Variants in ASIC5 observed in about 807,000 individuals in gnomAD.
ASIC5 encodes acid sensing ion channel subunit family member 5.
A neutral mutation model predicts 51.2 loss-of-function variants in ASIC5; 52 were observed. The observed-to-expected ratio is 1.02, with a 90% CI of 0.81 to 1.28. The LOEUF (loss-of-function observed/expected upper bound fraction) is 1.28. Ranked by LOEUF, ASIC5 falls within the 50% of genes most tolerant of loss-of-function variation. ASIC5 has a pLI of 0.00. For synonymous variants in ASIC5, 231 were observed against 200.7 expected, an observed-to-expected ratio of 1.15 and a Z score of -1.28; for missense variants, 635 against 595.0, an observed-to-expected ratio of 1.07 and a Z score of -0.70.
Position 155,854,282 on chromosome 4 carries a change from A to C in ASIC5, c.380T>G (p.Val127Gly), listed in dbSNP as rs764664561. 3.7e-6 allele frequency: 6 copies of C among 1,612,924 alleles called. No homozygotes were observed. The highest frequency in any genetic ancestry group is 5.1e-6 in the Non-Finnish European group (6 of 1,179,280). The change falls in exon 3 of 10, where the codon GTT becomes GGT. Residue 127 changes from valine (V) to glycine (G), a missense_variant. Val to Gly is a moderately radical substitution (Grantham distance 109). Transcript: ENST00000537611. ...FQTDAVAKFG[V>G]IFFLWHIVSK... ...TACAATGTGCCATAAGAAAAAAATAACACCAAATTTGGCTACAGCATCTGT... is the reference window on the plus strand; with the variant it reads ...TACAATGTGCCATAAGAAAAAAATACCACCAAATTTGGCTACAGCATCTGT...
intron 3 of ASIC5, among the ~76,000 whole-genome samples, chr4:155,853,869 C>T (rs1741452691): frequency 6.6e-6 from 1 of 151,882 alleles, no homozygotes; most frequent in South Asian, 2.1e-4. Flanking sequence ...TCTTTTCTAT[C>T]TTTCCTTATC....
chr4:155,840,952 G>A (rs996617810), intron 6 of ASIC5, among the ~76,000 whole-genome samples: 4 of 151,404 alleles, frequency 2.6e-5, no homozygotes, highest in South Asian at 2.1e-4. Context: ...TTGACTCAGC[G>A]CAAAAAGACA....
At chr4:155,857,365 C>T (rs2110750984) in intron 2 of ASIC5, among the ~76,000 whole-genome samples, 1 of 152,174 alleles carries the variant, frequency 6.6e-6, no homozygotes, top group East Asian at 1.9e-4. Flanking sequence ...CTCAAGCAAT[C>T]TGCCTACCTT....
intron 8 of ASIC5, 105 bp downstream of exon 8, chr4:155,836,584 T>G (rs930185969): frequency 1.5e-6 from 1 of 683,068 alleles, no homozygotes; most frequent in African/African-American, 1.8e-5. Context: ...AGCCATTGCC[T>G]CCCTTGATTG....
intron 2 of ASIC5, among the ~76,000 whole-genome samples, chr4:155,861,641 T>C (rs919425883): frequency 1.3e-5 from 2 of 152,086 alleles, no homozygotes; most frequent in African/African-American, 4.8e-5. Context: ...TGCCTTTCAA[T>C]TGGATTGTCT....
Position 155,836,738 on chromosome 4 carries a change from C to T in ASIC5, c.1186G>A (p.Ala396Thr), listed in dbSNP as rs773125346. The T allele has an allele frequency of 1.1e-5, 18 of 1,611,524 alleles. No homozygotes were observed. In the Admixed American group the frequency reaches 2.0e-4, roughly 18 times the overall value. Residue 396 changes from alanine (A) to threonine (T), a missense_variant, in exon 8 of 10, where the codon GCT (alanine) becomes ACT (threonine). By Grantham distance (58) the Ala-to-Thr change is moderately conservative. Transcript: ENST00000537611. ...ISYSSFPSQK[A>T]LKYLSKKLNQ... ...AACTTCTTGGAAAGATATTTCAAAG[C>T]TTTTTGACTTGGAAAAGAGGAATAA...
At chr4:155,862,777 T>G (rs1741746270) in intron 2 of ASIC5, among the ~76,000 whole-genome samples, 1 of 152,144 alleles carries the variant, frequency 6.6e-6, no homozygotes, top group Non-Finnish European at 1.5e-5. Context: ...ATTAAGTAGC[T>G]CATCATATGT....
chr4:155,854,072 G>A lies in ASIC5; in HGVS notation c.585+5C>T, dbSNP rs753282418. Reference sequence around the variant, plus strand: ...GATTATATTTGAAGAATAGAAAATCGTTACCTTTGGGCTACATGGCTTTCC... The same window carrying A: ...GATTATATTTGAAGAATAGAAAATCATTACCTTTGGGCTACATGGCTTTCC... On this transcript the variant is annotated splice_donor_5th_base_variant and intron_variant, in intron 3 of 9. Coordinates refer to ENST00000537611, the MANE Select transcript of ASIC5 (RefSeq NM_017419.3). 1.0e-5 allele frequency: 16 copies of A among 1,589,952 alleles called. No homozygotes were observed. The highest frequency in any genetic ancestry group is 4.5e-5 in the South Asian group (4 of 89,848).
intron 4 of ASIC5, among the ~76,000 whole-genome samples, chr4:155,849,366 A>G (rs1219920469): frequency 2.0e-5 from 3 of 152,050 alleles, no homozygotes; most frequent in Non-Finnish European, 4.4e-5. Flanking sequence ...AAAAAGTCTT[A>G]TCTGACATTC....
In ASIC5 at chr4:155,866,128, A is replaced by T. The variant is rs113904772; in HGVS notation, c.40+59T>A. ...GAAGAAAAAAAATCTCTCTTTTCTT[A>T]CTTCTGGCCTCTAGAAATGAAAAAT... is the stretch of plus-strand genomic sequence containing the variant. On this transcript the variant is annotated intron_variant, in intron 1 of 9. Transcript: ENST00000537611. The T allele has an allele frequency of 5.6e-4, 596 of 1,066,702 alleles. 1 individual carries two copies. The highest frequency in any genetic ancestry group is 7.8e-4 in the Non-Finnish European group (568 of 728,264). The allele number at this position is 1,066,702 out of a possible 1,614,324, so 66.1% of individuals were successfully genotyped here.
rs74322795 is a variant in ASIC5 at position 155,850,736 on chromosome 4, T to C, written c.711+1455A>G. Among the ~76,000 whole-genome samples the C allele has an allele frequency of 9.4e-3, 1,425 of 152,154 alleles. 14 individuals are homozygous for C. Among genetic ancestry groups the C allele is most frequent in the Middle Eastern group, 0.037 (11 of 294 alleles). ...TTAGAAAATCATTTGGCCCTCTTCATTTTGCAATTAAAATCCCTGCCCTTA... is the reference window on the plus strand; with the variant it reads ...TTAGAAAATCATTTGGCCCTCTTCACTTTGCAATTAAAATCCCTGCCCTTA... On this transcript the variant is annotated intron_variant, in intron 4 of 9. Coordinates refer to ENST00000537611, the MANE Select transcript of ASIC5 (RefSeq NM_017419.3).
intron 2 of ASIC5, among the ~76,000 whole-genome samples, chr4:155,856,490 T>C (rs1741543710): frequency 6.6e-6 from 1 of 152,106 alleles, no homozygotes; most frequent in Non-Finnish European, 1.5e-5. Context: ...TAACTAGCTC[T>C]GATACTTGCA....
At chr4:155,864,117 T>C (rs1293280137) in intron 1 of ASIC5, among the ~76,000 whole-genome samples, 1 of 152,206 alleles carries the variant, frequency 6.6e-6, no homozygotes, top group Non-Finnish European at 1.5e-5. Context: ...TCTCTGAAAG[T>C]CCTTTAGAAG....
chr4:155,846,420 A>G (rs559688296), intron 4 of ASIC5, among the ~76,000 whole-genome samples: 1 of 152,206 alleles, frequency 6.6e-6, no homozygotes, highest in Admixed American at 6.6e-5. Context: ...TGCATCTTAA[A>G]TTTTCAAAAT....
At chr4:155,850,920 CA>C (rs1230751943) in intron 4 of ASIC5, among the ~76,000 whole-genome samples, 1 of 151,946 alleles carries the variant, frequency 6.6e-6, no homozygotes, top group Non-Finnish European at 1.5e-5. Context: ...GAAGAAGGCA[CA>C]GTCTTAAGAA....
chr4:155,845,670 C>T (rs1606603), intron 4 of ASIC5, among the ~76,000 whole-genome samples: 113,745 of 151,928 alleles, frequency 0.75, 44,886 homozygotes, highest in Non-Finnish European at 0.87. Context: ...ATAGGTAGTC[C>T]CTATCTAAAT....
At chr4:155,834,950 G>A (rs888264916) in intron 8 of ASIC5, among the ~76,000 whole-genome samples, 3 of 152,012 alleles carry the variant, frequency 2.0e-5, no homozygotes, top group African/African-American at 7.2e-5. Flanking sequence ...CTGACTCCAC[G>A]CAAAGATCAC....
At chr4:155,854,773 C>T (rs1464481677) in intron 2 of ASIC5, 1 of 157,580 alleles carries the variant, frequency 6.3e-6, no homozygotes, top group Admixed American at 6.3e-5. Flanking sequence ...CATCTGCTGA[C>T]TCAACTTGCT....
At position 155,863,662 on chromosome 4, in the gene ASIC5, T is replaced by C. The variant is rs1395578939; in HGVS notation, c.133A>G (p.Thr45Ala). 1.2e-6 allele frequency: 2 copies of C among 1,613,626 alleles called. No individual in the cohort carries two copies. The highest frequency in any genetic ancestry group is 1.7e-5 in the Admixed American group (1 of 59,930). ...ATATTGTGTATCCCATGAAAGGAAG[T>C]GGAGATGGCAAAGTCATGGTCAAAC... ...KKFDHDFAIS[T>A]SFHGIHNIVQ... The change falls in exon 2 of 10, where the codon ACT (threonine) becomes GCT (alanine). Residue 45 changes from threonine to alanine, a missense_variant. Transcript: ENST00000537611.
Sources: gnomAD v4.1 joint callset for allele counts (sites outside exome capture counted in the v4.1 genomes callset) on GRCh38, gnomAD v4.1.1 for gene constraint, MANE v1.5 for transcripts, NCBI Gene and HGNC (gene_info 2026-07-23, HGNC 2026-07-21) for gene names.